Variants in MAN1C1 observed in about 807,000 individuals in gnomAD.
MAN1C1 encodes the protein mannosidase alpha class 1C member 1.
Under a neutral mutation model 71.5 loss-of-function variants are expected in MAN1C1, and 49 were observed. The ratio of observed to expected loss-of-function variants is 0.69; its 90% CI spans 0.54 to 0.87. The LOEUF is 0.87. Among genes scored for constraint, MAN1C1 ranks in the 40% least tolerant of loss-of-function variants. The pLI, the probability that MAN1C1 is intolerant of heterozygous loss-of-function variation, is 0.00. For missense variants in MAN1C1, 743 were observed against 835.0 expected (o/e 0.89, Z 1.36); for synonymous variants, 352 against 343.7 (o/e 1.02, Z -0.27).
In MAN1C1 at chr1:25,617,895, T is replaced by C. The variant is rs750279641; in HGVS notation, c.98T>C (p.Val33Ala). The part of the protein sequence containing the change: ...FLFLLFLSGL[V>A]TLCFGALFLL... Reference sequence around the variant, plus strand: ...TTCCTCCTCTTCCTCTCGGGCCTGGTCACCCTGTGCTTCGGGGCCCTCTTC... The same window carrying C: ...TTCCTCCTCTTCCTCTCGGGCCTGGCCACCCTGTGCTTCGGGGCCCTCTTC... The change falls in exon 1 of 12, where the codon GTC becomes GCC. Residue 33 changes from valine to alanine, a missense_variant. Val to Ala is a moderately conservative substitution (Grantham distance 64). Transcript: ENST00000374332. The surrounding 1 kb of genome is among the most constrained non-coding windows in gnomAD (Gnocchi z 5.1). The C allele has an allele frequency of 1.9e-6, 3 of 1,608,600 alleles. No individual in the cohort carries two copies. Among genetic ancestry groups the C allele is most frequent in the Non-Finnish European group, 2.5e-6 (3 of 1,178,250 alleles).
chr1:25,672,995 G>A (rs932391231), intron 1 of MAN1C1, among the ~76,000 whole-genome samples: 2 of 152,122 alleles, frequency 1.3e-5, no homozygotes, highest in Non-Finnish European at 2.9e-5. Flanking sequence ...GACATGCGGG[G>A]AGAGAGGGCA....
chr1:25,756,761 G>C (rs1229236057), intron 5 of MAN1C1, among the ~76,000 whole-genome samples: 1 of 152,180 alleles, frequency 6.6e-6, no homozygotes, highest in Non-Finnish European at 1.5e-5. Context: ...TCACTTCCCT[G>C]TATGAGCCTC....
At chr1:25,623,260 A>C (rs544166540) in intron 1 of MAN1C1, among the ~76,000 whole-genome samples, 1 of 152,224 alleles carries the variant, frequency 6.6e-6, no homozygotes, top group African/African-American at 2.4e-5. Flanking sequence ...CCAGGTATAC[A>C]ACTTAACTCC....
chr1:25,781,440 C>T (rs534851237), intron 10 of MAN1C1, among the ~76,000 whole-genome samples: 7 of 152,264 alleles, frequency 4.6e-5, no homozygotes, highest in African/African-American at 7.2e-5. Context: ...ACGCGGCCAC[C>T]GCTGTCCCAA....
At chr1:25,690,476 A>G (rs2046293938) in intron 2 of MAN1C1, among the ~76,000 whole-genome samples, 1 of 152,096 alleles carries the variant, frequency 6.6e-6, no homozygotes, top group Non-Finnish European at 1.5e-5. Context: ...TATTTTCAGT[A>G]GAGACGGGGT....
At chr1:25,716,705 C>A (rs1474219427) in intron 2 of MAN1C1, among the ~76,000 whole-genome samples, 3 of 152,148 alleles carry the variant, frequency 2.0e-5, no homozygotes, top group African/African-American at 4.8e-5. Flanking sequence ...AATAGCTTTA[C>A]CCTTTCTAAA....
chr1:25,653,050 G>A (rs997082348), intron 1 of MAN1C1, among the ~76,000 whole-genome samples: 11 of 152,072 alleles, frequency 7.2e-5, no homozygotes, highest in Non-Finnish European at 1.3e-4. Context: ...ATCAGTATGA[G>A]CCACCACATC....
At chr1:25,705,092 C>T (rs2046501755) in intron 2 of MAN1C1, among the ~76,000 whole-genome samples, 1 of 152,172 alleles carries the variant, frequency 6.6e-6, no homozygotes, top group Non-Finnish European at 1.5e-5. Context: ...CTTAAAATTA[C>T]TCGATCCGTT....
At chr1:25,646,501 G>A (rs1479517599) in intron 1 of MAN1C1, 1 of 152,228 alleles carries the variant, frequency 6.6e-6, no homozygotes, top group Non-Finnish European at 1.5e-5. Flanking sequence ...AATGGCACTA[G>A]GTATAATACA....
At chr1:25,747,243 A>G (rs189456351) in intron 3 of MAN1C1, among the ~76,000 whole-genome samples, 15 of 152,270 alleles carry the variant, frequency 9.9e-5, no homozygotes, top group Admixed American at 3.9e-4. Context: ...GTGGGCGTGG[A>G]GTGGGTGGTG....
chr1:25,771,834 C>T (rs111670811), intron 8 of MAN1C1, 62 bp downstream of exon 8: 124 of 1,368,990 alleles, frequency 9.1e-5, no homozygotes, highest in African/African-American at 6.1e-4. Flanking sequence ...CTCTCACGGC[C>T]GAGCGAGGGT....
chr1:25,681,243 A>G (rs538825301), intron 1 of MAN1C1, among the ~76,000 whole-genome samples: 5 of 152,026 alleles, frequency 3.3e-5, no homozygotes, highest in African/African-American at 1.2e-4. Context: ...AAAAAAAAGA[A>G]AAGAAAAGAA....
chr1:25,636,693 C>T (rs770015273), intron 1 of MAN1C1, among the ~76,000 whole-genome samples: 5 of 152,140 alleles, frequency 3.3e-5, no homozygotes, highest in African/African-American at 4.8e-5. Context: ...CCTGAGGTGA[C>T]GTACATCCTC....
intron 2 of MAN1C1, among the ~76,000 whole-genome samples, chr1:25,701,098 C>A (rs2046436258): frequency 6.6e-6 from 1 of 152,248 alleles, no homozygotes; most frequent in South Asian, 2.1e-4. Flanking sequence ...ATGCAGTTGT[C>A]AAGGATCATT....
At chr1:25,732,110 G>T (rs1358556030) in intron 2 of MAN1C1, among the ~76,000 whole-genome samples, 1 of 152,124 alleles carries the variant, frequency 6.6e-6, no homozygotes, top group Admixed American at 6.5e-5. Context: ...ATCTGGGGGG[G>T]CTCCTGCAGA....
intron 1 of MAN1C1, among the ~76,000 whole-genome samples, chr1:25,664,426 C>T (rs1057267455): frequency 6.6e-5 from 10 of 152,134 alleles, no homozygotes; most frequent in Admixed American, 6.5e-4. Flanking sequence ...ACATTTCCTC[C>T]CAGGAGAGTG....
At position 25,746,804 on chromosome 1, in the gene MAN1C1, G is replaced by A. The variant is rs200023112; in HGVS notation, c.753+21G>A. 2.7e-5 allele frequency: 37 copies of A among 1,379,242 alleles called. 1 individual carries two copies. The highest frequency in any genetic ancestry group is 2.3e-4 in the Admixed American group (12 of 51,170). 85.4% of individuals were successfully genotyped at this position (1,379,242 alleles called of 1,614,324 possible). A position where few individuals can be genotyped will look rare whatever the true frequency, so the allele number is the denominator to read the frequency against. On this transcript the variant is annotated intron_variant, in intron 3 of 11. Coordinates refer to ENST00000374332, the MANE Select transcript of MAN1C1 (RefSeq NM_020379.4). The surrounding 1 kb of genome is among the most constrained non-coding windows in gnomAD (Gnocchi z 4.0). ...ACGTGGTGAGTCAGAGGCCCTCGGC[G>A]GGGGAGGGGGGCGGGGGCCAGAAGA...
Position 25,634,815 on chromosome 1 carries a change from G to C in MAN1C1, c.540+16478G>C, listed in dbSNP as rs1264629276. ...AGCCTGGGCAACAGAGCGAGACTCT[G>C]TCTCAAAAAAAAATAATAATAAAAT... On this transcript the variant is annotated intron_variant, in intron 1 of 11. Transcript: ENST00000374332. The surrounding 1 kb of genome is among the most constrained non-coding windows in gnomAD (Gnocchi z 4.6). 6.6e-6 allele frequency among the ~76,000 whole-genome samples: 1 copy of C among 151,414 alleles called. No homozygotes were observed. Among genetic ancestry groups the C allele is most frequent in the Non-Finnish European group, 1.5e-5 (1 of 67,950 alleles).
chr1:25,753,108 C>T lies in MAN1C1; in HGVS notation c.835-376C>T, dbSNP rs143402848. On this transcript the variant is annotated intron_variant, in intron 4 of 11. Coordinates refer to ENST00000374332, the MANE Select transcript of MAN1C1 (RefSeq NM_020379.4). This position sits in a 1 kb window ranked among gnomAD's most constrained non-coding sequence, Gnocchi z 4.9. The stretch of plus-strand genomic sequence containing the variant: ...TTCATCTGGACTTGGAGGTGCCCCC[C>T]ACCCCCCGCACCTCACTGCTTTCTC... Among the ~76,000 whole-genome samples, 48 of 152,280 alleles carry T rather than the reference C, an allele frequency of 3.2e-4. No individual in the cohort carries two copies. Among genetic ancestry groups the T allele is most frequent in the Admixed American group, 9.8e-4 (15 of 15,294 alleles).
Sources: gnomAD v4.1 joint callset for allele counts (sites outside exome capture counted in the v4.1 genomes callset) on GRCh38, gnomAD v4.1.1 for gene constraint, Gnocchi (gnomAD v3.1) non-coding constraint, MANE v1.5 for transcripts, NCBI Gene and HGNC (gene_info 2026-07-23, HGNC 2026-07-21) for gene names.